The following CSGALNACT1 variants were observed in gnomAD, a reference collection of about 807,000 sequenced individuals.
The protein encoded by CSGALNACT1 is chondroitin sulfate N-acetylgalactosaminyltransferase 1, also known as beta4GalNAcT-1.
CSGALNACT1 carries 52 observed loss-of-function variants against 51.0 expected under a neutral mutation model. The observed-to-expected ratio is 1.02, with a 90% CI of 0.82 to 1.29. CSGALNACT1 has a LOEUF of 1.29. CSGALNACT1 is among the 50% of genes most tolerant of loss of function. CSGALNACT1 has a pLI of 0.00. For synonymous variants in CSGALNACT1, 341 were observed against 254.4 expected (o/e 1.34, Z -3.24); for missense variants, 935 against 679.2 (o/e 1.38, Z -4.19).
At chr8:19,586,780 T>G (rs1364826038) in intron 3 of CSGALNACT1, among the ~76,000 whole-genome samples, 6 of 152,180 alleles carry the variant, frequency 3.9e-5, no homozygotes, top group Non-Finnish European at 8.8e-5. Context: ...AGAAGAAAAC[T>G]GGGAACCCAG....
chr8:19,748,321 T>C (rs1341865494), intron 1 of CSGALNACT1, among the ~76,000 whole-genome samples: 1 of 152,218 alleles, frequency 6.6e-6, no homozygotes, highest in African/African-American at 2.4e-5. Context: ...TTTCTGGGAT[T>C]AGTTTCCAAA....
chr8:19,678,550 C>T (rs1218551598), intron 1 of CSGALNACT1: 1 of 152,152 alleles, frequency 6.6e-6, no homozygotes, highest in African/African-American at 2.4e-5. Flanking sequence ...CCTGTGTCCC[C>T]AGCTCATTAA....
intron 1 of CSGALNACT1, among the ~76,000 whole-genome samples, chr8:19,608,678 G>A (rs1355171805): frequency 1.3e-5 from 2 of 152,168 alleles, no homozygotes; most frequent in African/African-American, 2.4e-5. Context: ...AGTAAAGTTT[G>A]TTTTCTCTGG....
chr8:19,622,719 A>C (rs1226182226), intron 1 of CSGALNACT1, among the ~76,000 whole-genome samples: 1 of 152,218 alleles, frequency 6.6e-6, no homozygotes, highest in Non-Finnish European at 1.5e-5. Context: ...CACTACAAGA[A>C]TGTAAAATAA....
At chr8:19,555,140 G>A (rs2089399558) in intron 3 of CSGALNACT1, among the ~76,000 whole-genome samples, 1 of 151,942 alleles carries the variant, frequency 6.6e-6, no homozygotes, top group South Asian at 2.1e-4. Context: ...TCAGGAGGCT[G>A]AGGCAGGAAA....
intron 3 of CSGALNACT1, among the ~76,000 whole-genome samples, chr8:19,580,185 C>T (rs2045256760): frequency 6.6e-6 from 1 of 152,178 alleles, no homozygotes. Context: ...TCTAGGACTT[C>T]CAATGCAGCC....
intron 1 of CSGALNACT1, among the ~76,000 whole-genome samples, chr8:19,654,992 AG>A (rs1368974455): frequency 6.6e-6 from 1 of 152,262 alleles, no homozygotes; most frequent in African/African-American, 2.4e-5. Context: ...AGAATTAAAA[AG>A]GAAGAAAGAC....
chr8:19,450,908 C>T (rs1455640129), intron 5 of CSGALNACT1, among the ~76,000 whole-genome samples: 1 of 151,632 alleles, frequency 6.6e-6, no homozygotes, highest in African/African-American at 2.4e-5. Flanking sequence ...TTTTTAGAGA[C>T]CCTGTCTTCA....
chr8:19,666,700 G>C (rs937684301), intron 1 of CSGALNACT1, among the ~76,000 whole-genome samples: 2 of 147,614 alleles, frequency 1.4e-5, no homozygotes, highest in Non-Finnish European at 3.0e-5. Flanking sequence ...TGTCCCGGGA[G>C]AGAAAGAGAG....
chr8:19,581,668 G>A (rs2045603185), intron 3 of CSGALNACT1, among the ~76,000 whole-genome samples: 1 of 152,126 alleles, frequency 6.6e-6, no homozygotes. Context: ...TTTAATTGAA[G>A]TCTGGGCTTC....
At chr8:19,613,506 A>G (rs2052590027) in intron 1 of CSGALNACT1, among the ~76,000 whole-genome samples, 1 of 152,338 alleles carries the variant, frequency 6.6e-6, no homozygotes, top group Non-Finnish European at 1.5e-5. Flanking sequence ...GATATCTGTC[A>G]TTTTTAATGG....
Position 19,443,324 on chromosome 8 carries a change from G to A in CSGALNACT1, c.852-3393C>T, listed in dbSNP as rs573676869. Among the ~76,000 whole-genome samples the A allele has an allele frequency of 2.6e-4, 40 of 152,124 alleles. 1 individual carries two copies. Among genetic ancestry groups the A allele is most frequent in the South Asian group, 2.3e-3 (11 of 4,820 alleles). On this transcript the variant is annotated intron_variant, in intron 5 of 9. Coordinates refer to ENST00000454498, the Ensembl canonical transcript of CSGALNACT1. ...TAGATATGTAAATATATGCAAGTGC[G>A]TAAATCACTGTTTATGTACACATAT...
At chr8:19,449,347 C>T in intron 5 of CSGALNACT1, among the ~76,000 whole-genome samples, 1 of 152,078 alleles carries the variant, frequency 6.6e-6, no homozygotes, top group East Asian at 1.9e-4. Flanking sequence ...GTGAAATGGC[C>T]TATGGGAGAG....
At chr8:19,665,109 G>A (rs1048677953) in intron 1 of CSGALNACT1, among the ~76,000 whole-genome samples, 2 of 152,166 alleles carry the variant, frequency 1.3e-5, no homozygotes, top group Non-Finnish European at 2.9e-5. Context: ...TAACTCCCAA[G>A]TTCAAGCGAT....
intron 2 of CSGALNACT1, among the ~76,000 whole-genome samples, chr8:19,597,690 C>T (rs565197550): frequency 6.6e-6 from 1 of 152,278 alleles, no homozygotes. Flanking sequence ...AGAGAAAATA[C>T]AGATGTTAAA....
rs546054675 is a variant in CSGALNACT1, at chr8:19,459,228, C to A, written c.635-586G>T. On this transcript the variant is annotated intron_variant, in intron 4 of 9. Transcript: ENST00000454498. The stretch of plus-strand genomic sequence containing the variant: ...TGGTGAAACCCCATCTCTACTAATA[C>A]AAAAGTTAGTAGAGCGTCATGTTGT... Among the ~76,000 whole-genome samples, 3 of 151,676 alleles carry A rather than the reference C, an allele frequency of 2.0e-5. No homozygotes were observed. In the East Asian group the frequency reaches 5.8e-4, roughly 29 times the overall value.
At position 19,418,607 on chromosome 8, in the gene CSGALNACT1, C is replaced by G. The variant is rs376456531; in HGVS notation, c.1227+49G>C. The G allele has an allele frequency of 4.9e-6, 6 of 1,223,026 alleles. No individual in the cohort carries two copies. The African/African-American group carries it at 7.4e-5, about 15-fold the overall frequency. The allele number at this position is 1,223,026 out of a possible 1,614,324, so 75.8% of individuals were successfully genotyped here. A position where few individuals can be genotyped will look rare whatever the true frequency, so the allele number is the denominator to read the frequency against. On this transcript the variant is annotated intron_variant, in intron 8 of 9. Transcript: ENST00000454498. ...CATGGTCAGGTACCCCTGGTAATGA[C>G]AGACACTAAACAGAGCCACACAGAG...
At chr8:19,697,297 C>T (rs1360746154) in intron 1 of CSGALNACT1, among the ~76,000 whole-genome samples, 1 of 152,034 alleles carries the variant, frequency 6.6e-6, no homozygotes, top group African/African-American at 2.4e-5. Flanking sequence ...TGACCCTGAA[C>T]TGAGGGTTGC....
intron 4 of CSGALNACT1, chr8:19,495,312 C>T (rs1024383746): frequency 6.6e-6 from 1 of 152,166 alleles, no homozygotes; most frequent in African/African-American, 2.4e-5. Flanking sequence ...ACAAATGGGT[C>T]CTGTTCCAAT....
Sources: allele counts gnomAD v4.1 joint callset (sites outside exome capture counted in the v4.1 genomes callset), GRCh38; gene constraint gnomAD v4.1.1; transcripts MANE v1.5; gene names NCBI Gene and HGNC (gene_info 2026-07-23, HGNC 2026-07-21).